PRKCE: variants seen among roughly 807,000 people sequenced by gnomAD.
The protein encoded by PRKCE is protein kinase C epsilon, also known as protein kinase C epsilon type.
PRKCE carries 16 observed loss-of-function variants against 85.4 expected under a neutral mutation model. The ratio of observed to expected loss-of-function variants is 0.19; its 90% CI spans 0.13 to 0.28. The LOEUF is 0.28. Ranked by LOEUF, PRKCE falls within the 10% of genes least tolerant of loss-of-function variation. The pLI, the probability that PRKCE is intolerant of heterozygous loss-of-function variation, is 1.00. For missense variants in PRKCE, 573 were observed against 975.2 expected (o/e 0.59, Z 5.49); for synonymous variants, 388 against 371.5 (o/e 1.04, Z -0.51).
intron 1 of PRKCE, among the ~76,000 whole-genome samples, chr2:45,821,444 A>T (rs966996595): frequency 2.2e-4 from 34 of 152,120 alleles, no homozygotes; most frequent in Non-Finnish European, 3.8e-4. Flanking sequence ...CTGAAGGGCT[A>T]CCTGTGGAAC....
At position 45,940,647 on chromosome 2, in the gene PRKCE, C is replaced by G. The variant is rs78246784; in HGVS notation, c.413-35782C>G. Among the ~76,000 whole-genome samples the G allele has an allele frequency of 5.1e-3, 770 of 152,278 alleles. 8 individuals carry two copies. The highest frequency in any genetic ancestry group is 0.017 in the African/African-American group (712 of 41,556). On this transcript the variant is annotated intron_variant, in intron 2 of 14. Transcript: ENST00000306156. Reference sequence around the variant, plus strand: ...TCTGTTCACACAGCGCACACTCTTGCGCTCACAAGTGTTCACTCTCACGTA... The same window carrying G: ...TCTGTTCACACAGCGCACACTCTTGGGCTCACAAGTGTTCACTCTCACGTA...
intron 10 of PRKCE, among the ~76,000 whole-genome samples, chr2:46,025,748 A>AATT (rs1484969444): frequency 2.0e-5 from 3 of 152,214 alleles, no homozygotes; most frequent in African/African-American, 7.2e-5. Flanking sequence ...GATTCAAGGA[A>AATT]ATTGGCTTTG....
At chr2:45,792,860 A>G (rs1687139309) in intron 1 of PRKCE, among the ~76,000 whole-genome samples, 3 of 152,168 alleles carry the variant, frequency 2.0e-5, no homozygotes, top group Admixed American at 1.3e-4. Flanking sequence ...GTACAGTGGC[A>G]CGATCTCGGC....
At chr2:45,737,633 C>T (rs1438477964) in intron 1 of PRKCE, among the ~76,000 whole-genome samples, 1 of 152,082 alleles carries the variant, frequency 6.6e-6, no homozygotes, top group East Asian at 1.9e-4. Flanking sequence ...CTACCTGGCC[C>T]CCTTCTCCCC....
Position 46,145,829 on chromosome 2 carries a change from T to C in PRKCE, c.1731+598T>C, listed in dbSNP as rs960251990. On this transcript the variant is annotated intron_variant, in intron 12 of 14. Transcript: ENST00000306156. The surrounding 1 kb of genome is among the most constrained non-coding windows in gnomAD (Gnocchi z 4.6). ...GCTATAGTGAGCCATAATTGCACCA[T>C]TGCACTCCAGCCTGGGTGACAGAGC... 3.3e-5 allele frequency among the ~76,000 whole-genome samples: 5 copies of C among 151,820 alleles called. No individual in the cohort carries two copies. The highest frequency in any genetic ancestry group is 1.9e-4 in the East Asian group (1 of 5,152).
chr2:46,109,370 G>C (rs182912229), intron 11 of PRKCE, among the ~76,000 whole-genome samples: 43 of 151,974 alleles, frequency 2.8e-4, no homozygotes, highest in Non-Finnish European at 5.7e-4. Context: ...TTGATTTCTT[G>C]TGTCAGTGGT....
intron 1 of PRKCE, among the ~76,000 whole-genome samples, chr2:45,668,384 G>C (rs1676012358): frequency 6.6e-6 from 1 of 152,154 alleles, no homozygotes; most frequent in Admixed American, 6.5e-5. Context: ...TAATACTATT[G>C]TAAAATATAA....
intron 2 of PRKCE, among the ~76,000 whole-genome samples, chr2:45,880,673 A>T (rs1293943209): frequency 6.6e-6 from 1 of 152,178 alleles, no homozygotes; most frequent in Non-Finnish European, 1.5e-5. Context: ...AGTTCATAGT[A>T]GGTGCACGAC....
chr2:45,939,584 C>T (rs1262167221), intron 2 of PRKCE, among the ~76,000 whole-genome samples: 1 of 151,082 alleles, frequency 6.6e-6, no homozygotes, highest in African/African-American at 2.4e-5. Flanking sequence ...GAGAAGGCGT[C>T]TCACTCTATC....
intron 2 of PRKCE, among the ~76,000 whole-genome samples, chr2:45,945,735 CTG>C (rs1475770224): frequency 2.6e-5 from 4 of 152,256 alleles, no homozygotes; most frequent in Non-Finnish European, 5.9e-5. Flanking sequence ...TGCTGCATAA[CTG>C]TGCTCCACTG....
At chr2:45,969,219 C>A (rs1245352524) in intron 2 of PRKCE, among the ~76,000 whole-genome samples, 1 of 151,824 alleles carries the variant, frequency 6.6e-6, no homozygotes, top group Non-Finnish European at 1.5e-5. Context: ...CTTGTTACAT[C>A]CCCACAGCCA....
At chr2:45,770,086 C>A (rs963869930) in intron 1 of PRKCE, among the ~76,000 whole-genome samples, 1 of 152,210 alleles carries the variant, frequency 6.6e-6, no homozygotes, top group African/African-American at 2.4e-5. Context: ...CTTCTCTATG[C>A]GCATGTCTTT....
At chr2:45,977,689 C>T (rs373639563) in intron 3 of PRKCE, among the ~76,000 whole-genome samples, 7 of 151,716 alleles carry the variant, frequency 4.6e-5, no homozygotes, top group South Asian at 4.2e-4. Flanking sequence ...TAAAGATGAT[C>T]GAAGGCCAGC....
chr2:46,162,559 G>A (rs1242888438), intron 14 of PRKCE, among the ~76,000 whole-genome samples: 5 of 152,152 alleles, frequency 3.3e-5, no homozygotes, highest in African/African-American at 1.2e-4. Context: ...CGGGGTCAGG[G>A]GAGAGGGTAT....
At chr2:45,781,802 C>T (rs1003337228) in intron 1 of PRKCE, among the ~76,000 whole-genome samples, 2 of 152,154 alleles carry the variant, frequency 1.3e-5, no homozygotes, top group Non-Finnish European at 2.9e-5. Context: ...GTGTCTAGGA[C>T]ACCACAGTGC....
chr2:45,965,395 GTT>G lies in PRKCE; in HGVS notation c.413-11031_413-11030del, dbSNP rs557637383. Among the ~76,000 whole-genome samples, 188 of 152,276 alleles carry G rather than the reference GTT, an allele frequency of 1.2e-3. 4 individuals are homozygous for G. Among genetic ancestry groups the G allele is most frequent in the Admixed American group, 0.011 (163 of 15,304 alleles). On this transcript the variant is annotated intron_variant, in intron 2 of 14. Transcript: ENST00000306156. ...TTTAGTACCTGGTTTTGTTTGTTTT[GTT>G]TTCTTTCCATTGACCTTGCATATTT... is the stretch of plus-strand genomic sequence containing the variant.
At chr2:46,027,533 A>G (rs1196711322) in intron 10 of PRKCE, among the ~76,000 whole-genome samples, 1 of 151,906 alleles carries the variant, frequency 6.6e-6, no homozygotes, top group Non-Finnish European at 1.5e-5. Flanking sequence ...GCATATGCAT[A>G]TTTTACATAT....
rs1682915942 is a variant in PRKCE at position 45,744,473 on chromosome 2, CTTTCTTTCTTTCTTTTTCTTTCTTTCTTT to C, written c.348+92027_348+92055del. Among the ~76,000 whole-genome samples the C allele has an allele frequency of 8.2e-4, 32 of 39,140 alleles. 2 individuals carry two copies. The highest frequency in any genetic ancestry group is 1.4e-3 in the Non-Finnish European group (26 of 19,172). The allele number at this position is 39,140 out of a possible 152,430, so 25.7% of individuals were successfully genotyped here. The stretch of plus-strand genomic sequence containing the variant: ...TCTTTCTTTCTTTCTTTCTTTCTTT[CTTTCTTTCTTTCTTTTTCTTTCTTTCTTT>C]TCTTTCTTTCTTTCTTTCTTTCTTT... On this transcript the variant is annotated intron_variant, in intron 1 of 14. Coordinates refer to ENST00000306156, the MANE Select transcript of PRKCE (RefSeq NM_005400.3).
intron 6 of PRKCE, among the ~76,000 whole-genome samples, chr2:45,989,536 A>T (rs563147619): frequency 6.6e-6 from 1 of 152,286 alleles, no homozygotes; most frequent in Non-Finnish European, 1.5e-5. Context: ...TGAGGACAGT[A>T]ATAAAAAATA....
Sources: allele counts gnomAD v4.1 joint callset (sites outside exome capture counted in the v4.1 genomes callset), GRCh38; gene constraint gnomAD v4.1.1; non-coding constraint Gnocchi (gnomAD v3.1); transcripts MANE v1.5; gene names NCBI Gene and HGNC (gene_info 2026-07-23, HGNC 2026-07-21).